Variants in TRDMT1 observed in about 807,000 individuals in gnomAD.
The protein encoded by TRDMT1 is tRNA aspartic acid methyltransferase 1.
Under a neutral mutation model 51.2 loss-of-function variants are expected in TRDMT1, and 49 were observed. That is an observed-to-expected ratio of 0.96 (90% CI 0.76 to 1.21). The LOEUF (loss-of-function observed/expected upper bound fraction) is 1.21, where lower values mean the gene tolerates loss of function less well. Among genes scored for constraint, TRDMT1 ranks in the 50% most tolerant of loss-of-function variants. The pLI, the probability that TRDMT1 is intolerant of heterozygous loss-of-function variation, is 0.00. For missense variants in TRDMT1, 534 were observed against 462.3 expected, an observed-to-expected ratio of 1.16 and a Z score of -1.42; for synonymous variants, 187 against 164.6, an observed-to-expected ratio of 1.14 and a Z score of -1.04.
intron 1 of TRDMT1, among the ~76,000 whole-genome samples, chr10:17,178,632 C>T (rs1165095038): frequency 6.9e-6 from 1 of 144,396 alleles, no homozygotes; most frequent in Non-Finnish European, 1.5e-5. Flanking sequence ...GCTGAGATTG[C>T]ACCATTGCAC....
chr10:17,167,558 T>C (rs985859101), intron 3 of TRDMT1, among the ~76,000 whole-genome samples: 2 of 152,288 alleles, frequency 1.3e-5, no homozygotes, highest in Non-Finnish European at 2.9e-5. Flanking sequence ...ATTAAAAATA[T>C]CTAAATGAAA....
chr10:17,168,873 A>C lies in TRDMT1; in HGVS notation c.219T>G (p.Ile73Met). Residue 73 changes from isoleucine (I) to methionine (M), a missense_variant, in exon 3 of 11, where the codon ATT becomes ATG. By Grantham distance (10) the Ile-to-Met change is conservative. Coordinates refer to ENST00000377799, the MANE Select transcript of TRDMT1 (RefSeq NM_004412.7). ...EEFDRLSFDM[I>M]LMSPPCQPFT... Reference sequence around the variant, plus strand: ...ATGGCTGGCAGGGAGGGCTCATTAAAATCATATCAAAAGATAATCTGTCAA... The same window carrying C: ...ATGGCTGGCAGGGAGGGCTCATTAACATCATATCAAAAGATAATCTGTCAA... 1 of 1,612,978 alleles carries C rather than the reference A, an allele frequency of 6.2e-7. No homozygotes were observed. The highest frequency in any genetic ancestry group is 8.5e-7 in the Non-Finnish European group (1 of 1,179,242).
chr10:17,158,009 T>C (rs1455431547), intron 7 of TRDMT1, among the ~76,000 whole-genome samples: 1 of 152,142 alleles, frequency 6.6e-6, no homozygotes, highest in Non-Finnish European at 1.5e-5. Context: ...TGGATTAGTG[T>C]TTACAGTATT....
At chr10:17,201,426 T>C in intron 1 of TRDMT1, 145 bp downstream of exon 1, 1 of 735,856 alleles carries the variant, frequency 1.4e-6, no homozygotes, top group South Asian at 2.0e-5. Flanking sequence ...GCAGGAGCTG[T>C]TTCCAGGACA....
intron 1 of TRDMT1, among the ~76,000 whole-genome samples, chr10:17,175,492 G>C (rs1235494247): frequency 6.6e-6 from 1 of 152,082 alleles, no homozygotes; most frequent in South Asian, 2.1e-4. Flanking sequence ...AACCAATTAT[G>C]TGCATGCCCT....
At position 17,143,532 on chromosome 10, in the gene TRDMT1, C is replaced by A. The variant is rs1029996677; in HGVS notation, c.*5508G>T. 2 of 985,220 alleles carry A rather than the reference C, an allele frequency of 2.0e-6. No homozygotes were observed. The highest frequency in any genetic ancestry group is 6.2e-5 in the Admixed American group (1 of 16,258). 61.0% of individuals were successfully genotyped at this position (985,220 alleles called of 1,614,324 possible). On this transcript the variant is annotated 3_prime_UTR_variant, in exon 11 of 11. Coordinates refer to ENST00000377799, the MANE Select transcript of TRDMT1 (RefSeq NM_004412.7). ...ATTTAACTGGACTTGTGTAAGGAAC[C>A]AGCTAAGTGAGTAAAATAGCAAATA...
chr10:17,146,728 A>C lies in TRDMT1; in HGVS notation c.*2312T>G. The C allele has an allele frequency of 7.1e-6, 7 of 985,458 alleles. No individual in the cohort carries two copies. Among genetic ancestry groups the C allele is most frequent in the Non-Finnish European group, 8.4e-6 (7 of 829,932 alleles). The allele number at this position is 985,458 out of a possible 1,614,324, so 61.0% of individuals were successfully genotyped here. ...TTTTCCAACATCTGAATAAATGTACAAGTCCAAATATCAGGAAACAGAATT... is the reference window on the plus strand; with the variant it reads ...TTTTCCAACATCTGAATAAATGTACCAGTCCAAATATCAGGAAACAGAATT... On this transcript the variant is annotated 3_prime_UTR_variant, in exon 11 of 11. Transcript: ENST00000377799.
chr10:17,176,018 T>A (rs538234007), intron 1 of TRDMT1, among the ~76,000 whole-genome samples: 9 of 152,306 alleles, frequency 5.9e-5, no homozygotes, highest in African/African-American at 2.2e-4. Context: ...CTGGCCTTAG[T>A]ATAAAATAAA....
chr10:17,164,549 C>T (rs956395604), intron 3 of TRDMT1, among the ~76,000 whole-genome samples: 4 of 151,998 alleles, frequency 2.6e-5, no homozygotes, highest in African/African-American at 4.8e-5. Flanking sequence ...AAATAAAGGG[C>T]ATTCAGTTAG....
At chr10:17,175,738 G>C (rs1658048610) in intron 1 of TRDMT1, among the ~76,000 whole-genome samples, 1 of 150,736 alleles carries the variant, frequency 6.6e-6, no homozygotes, top group Non-Finnish European at 1.5e-5. Flanking sequence ...GGAAATAAAA[G>C]CAGACCACAG....
At chr10:17,175,795 T>C (rs1452370887) in intron 1 of TRDMT1, among the ~76,000 whole-genome samples, 1 of 151,460 alleles carries the variant, frequency 6.6e-6, no homozygotes, top group South Asian at 2.1e-4. Context: ...AAAACAATCA[T>C]AACCTTCCAC....
intron 1 of TRDMT1, among the ~76,000 whole-genome samples, chr10:17,187,074 G>C (rs1222522367): frequency 6.6e-6 from 1 of 152,096 alleles, no homozygotes; most frequent in Non-Finnish European, 1.5e-5. Context: ...TGTAGCATTG[G>C]TATTGCCCAG....
At position 17,143,939 on chromosome 10, in the gene TRDMT1, G is replaced by T; in HGVS notation, c.*5101C>A. The T allele has an allele frequency of 1.0e-6, 1 of 985,418 alleles. No homozygotes were observed. Among genetic ancestry groups the T allele is most frequent in the Non-Finnish European group, 1.2e-6 (1 of 829,928 alleles). The allele number at this position is 985,418 out of a possible 1,614,324, so 61.0% of individuals were successfully genotyped here. A position where few individuals can be genotyped will look rare whatever the true frequency, so the allele number is the denominator to read the frequency against. ...ATTTGATGCAAATCCGATACAACTT[G>T]AATAGCAAGATATCCAAGTTAAAAA... is the stretch of plus-strand genomic sequence containing the variant. On this transcript the variant is annotated 3_prime_UTR_variant, in exon 11 of 11. Transcript: ENST00000377799.
rs1361197876 is a variant in TRDMT1, at chr10:17,144,405, TG to T, written c.*4634del. 1.0e-6 allele frequency: 1 copy of T among 985,272 alleles called. No individual in the cohort carries two copies. Among genetic ancestry groups the T allele is most frequent in the Non-Finnish European group, 1.2e-6 (1 of 829,810 alleles). The allele number at this position is 985,272 out of a possible 1,614,324, so 61.0% of individuals were successfully genotyped here. On this transcript the variant is annotated 3_prime_UTR_variant, in exon 11 of 11. Coordinates refer to ENST00000377799, the MANE Select transcript of TRDMT1 (RefSeq NM_004412.7). ...TAGGCTTATTCAGAAAAGAGTTCTA[TG>T]GGAGAACTCAGTTCCTATCTTGTAA... is the stretch of plus-strand genomic sequence containing the variant.
chr10:17,191,793 A>C (rs934444681), intron 1 of TRDMT1, among the ~76,000 whole-genome samples: 2 of 152,134 alleles, frequency 1.3e-5, no homozygotes, highest in African/African-American at 4.8e-5. Context: ...ATTGGTCAAA[A>C]GTCCCCCCAA....
chr10:17,153,498 C>T lies in TRDMT1; in HGVS notation c.1075+9G>A. 6.2e-7 allele frequency: 1 copy of T among 1,613,662 alleles called. No homozygotes were observed. The highest frequency in any genetic ancestry group is 8.5e-7 in the Non-Finnish European group (1 of 1,179,810). On this transcript the variant is annotated intron_variant, in intron 10 of 10. Transcript: ENST00000377799. ...CATGAAAGCTGAATTCTGCACGTAT[C>T]CCACATACCGAACTCTGGAGGAAAT...
At chr10:17,176,143 T>C (rs372900816) in intron 1 of TRDMT1, among the ~76,000 whole-genome samples, 11 of 152,232 alleles carry the variant, frequency 7.2e-5, no homozygotes, top group African/African-American at 2.7e-4. Flanking sequence ...AACACAAAAC[T>C]ATCATAATTC....
In TRDMT1 at chr10:17,143,876, C is replaced by T; in HGVS notation, c.*5164G>A. ...ATATTAAAGTCAAGAGTGGAACTGA[C>T]TATAGAATGGAGTGTGCTTAGGTTG... On this transcript the variant is annotated 3_prime_UTR_variant, in exon 11 of 11. Transcript: ENST00000377799. The T allele has an allele frequency of 2.0e-6, 2 of 985,270 alleles. No homozygotes were observed. Among genetic ancestry groups the T allele is most frequent in the Non-Finnish European group, 2.4e-6 (2 of 829,904 alleles). 61.0% of individuals were successfully genotyped at this position (985,270 alleles called of 1,614,324 possible). A position where few individuals can be genotyped will look rare whatever the true frequency, so the allele number is the denominator to read the frequency against.
intron 3 of TRDMT1, among the ~76,000 whole-genome samples, chr10:17,163,525 G>A (rs2131447248): frequency 6.6e-6 from 1 of 152,188 alleles, no homozygotes; most frequent in South Asian, 2.1e-4. Flanking sequence ...TAAGATCAGA[G>A]TAGAACTGAA....
Sources: gnomAD v4.1 joint callset for allele counts (sites outside exome capture counted in the v4.1 genomes callset) on GRCh38, gnomAD v4.1.1 for gene constraint, MANE v1.5 for transcripts, NCBI Gene and HGNC (gene_info 2026-07-23, HGNC 2026-07-21) for gene names.